Variants in KCNH1 observed in about 807,000 individuals in gnomAD.
The protein encoded by KCNH1 is potassium voltage-gated channel subfamily H member 1, also known as voltage-gated delayed rectifier potassium channel KCNH1.
A neutral mutation model predicts 69.2 loss-of-function variants in KCNH1; 27 were observed. The observed-to-expected ratio is 0.39, with a 90% confidence interval of 0.29 to 0.54. KCNH1 has a LOEUF of 0.54. KCNH1 is among the 20% of genes least tolerant of loss of function. KCNH1 has a pLI of 0.68. For missense variants in KCNH1, 798 were observed against 1,261.6 expected, an observed-to-expected ratio of 0.63 and a Z score of 5.57; for synonymous variants, 456 against 487.7, an observed-to-expected ratio of 0.93 and a Z score of 0.86.
rs368365638 is a variant in KCNH1 at position 210,826,181 on chromosome 1, A to G, written c.1463-22015T>C. 9.8e-4 allele frequency among the ~76,000 whole-genome samples: 150 copies of G among 152,306 alleles called. 2 individuals are homozygous for G. In the South Asian group the frequency reaches 0.012, roughly 12 times the overall value. On this transcript the variant is annotated intron_variant, in intron 7 of 10. Coordinates refer to ENST00000271751, the MANE Select transcript of KCNH1 (RefSeq NM_172362.3). ...TAAAAACTAGTTCTTCCCCAAAGAT[A>G]GCCTGAGAAGTACTGAACTAGAGGA...
intron 10 of KCNH1, among the ~76,000 whole-genome samples, chr1:210,684,355 G>GA (rs1681361116): frequency 6.6e-6 from 1 of 152,130 alleles, no homozygotes; most frequent in Admixed American, 6.5e-5. Flanking sequence ...CAACAGCAGG[G>GA]AATTGACTCC....
chr1:210,781,363 C>G (rs916568759), intron 9 of KCNH1, among the ~76,000 whole-genome samples: 2 of 152,076 alleles, frequency 1.3e-5, no homozygotes, highest in African/African-American at 4.8e-5. Context: ...CCCTCCTCCC[C>G]CTATCCCACT....
At chr1:211,063,284 C>G (rs908586016) in intron 5 of KCNH1, 2 of 152,004 alleles carry the variant, frequency 1.3e-5, no homozygotes, top group African/African-American at 4.8e-5. Context: ...GTAGAATTAC[C>G]GTTACCAGAG....
chr1:210,782,070 G>A (rs571954270), intron 9 of KCNH1, among the ~76,000 whole-genome samples: 2 of 152,268 alleles, frequency 1.3e-5, no homozygotes, highest in East Asian at 3.9e-4. Context: ...CCTCCTCTCT[G>A]ATCCCTTGAG....
chr1:210,734,862 A>C (rs1682835558), intron 10 of KCNH1, among the ~76,000 whole-genome samples: 1 of 152,194 alleles, frequency 6.6e-6, no homozygotes, highest in South Asian at 2.1e-4. Context: ...GCAGACACTG[A>C]AGAAGTGTAA....
chr1:210,781,069 GA>G (rs536391418), intron 9 of KCNH1, among the ~76,000 whole-genome samples: 25 of 152,094 alleles, frequency 1.6e-4, no homozygotes, highest in African/African-American at 5.3e-4. Context: ...AAACAAAACT[GA>G]AAAGCCACGT....
At chr1:211,089,214 T>C (rs1247657204) in intron 4 of KCNH1, among the ~76,000 whole-genome samples, 1 of 152,216 alleles carries the variant, frequency 6.6e-6, no homozygotes, top group African/African-American at 2.4e-5. Context: ...AAAAAGCAAC[T>C]GGCCTTTCTA....
rs1558605641 is a variant in KCNH1, at chr1:211,103,497, G to A, written c.309C>T (p.Asn103=). ...NSFEILMYKK[N]RTPVWFFVKI... ...GTTCAGAATGGTCTCAATACTCACTGTTCTTCTTGTACATCAGAATTTCAA... is the reference window on the plus strand; with the variant it reads ...GTTCAGAATGGTCTCAATACTCACTATTCTTCTTGTACATCAGAATTTCAA... The change falls in exon 3 of 11, where the codon AAC becomes AAT. Residue 103 remains asparagine, a splice_region_variant and synonymous_variant. Coordinates refer to ENST00000271751, the MANE Select transcript of KCNH1 (RefSeq NM_172362.3). The A allele has an allele frequency of 4.4e-6, 7 of 1,590,564 alleles. No homozygotes were observed. The South Asian group carries it at 7.8e-5, about 18-fold the overall frequency.
intron 2 of KCNH1, among the ~76,000 whole-genome samples, chr1:211,106,630 CAAA>C (rs370857373): frequency 2.2e-5 from 3 of 137,700 alleles, no homozygotes; most frequent in African/African-American, 5.4e-5. Flanking sequence ...ACTAAAAATA[CAAA>C]AAAAAAAAAA....
chr1:210,721,798 T>TAAA (rs1449344674), intron 10 of KCNH1, among the ~76,000 whole-genome samples: 1 of 135,336 alleles, frequency 7.4e-6, no homozygotes, highest in Admixed American at 7.5e-5. Flanking sequence ...TAAAGTATAA[T>TAAA]AAAAATAAAT....
intron 1 of KCNH1, among the ~76,000 whole-genome samples, chr1:211,114,979 T>C (rs1009431446): frequency 1.3e-5 from 2 of 151,734 alleles, no homozygotes; most frequent in Non-Finnish European, 2.9e-5. Flanking sequence ...TTGTTTTTTG[T>C]TTTTTTTGAG....
chr1:211,110,985 G>A (rs1299894205), intron 1 of KCNH1, among the ~76,000 whole-genome samples: 1 of 152,106 alleles, frequency 6.6e-6, no homozygotes, highest in African/African-American at 2.4e-5. Context: ...ACAAGGCATA[G>A]AATGGTTATT....
At chr1:211,040,517 C>A (rs1309562331) in intron 5 of KCNH1, among the ~76,000 whole-genome samples, 1 of 152,156 alleles carries the variant, frequency 6.6e-6, no homozygotes, top group African/African-American at 2.4e-5. Context: ...CCTCTCACTT[C>A]CTGCCATGAT....
intron 7 of KCNH1, among the ~76,000 whole-genome samples, chr1:210,917,787 T>C (rs551526488): frequency 6.6e-6 from 1 of 152,294 alleles, no homozygotes; most frequent in Admixed American, 6.5e-5. Flanking sequence ...CTCACAAAAA[T>C]GCTGTAAGTA....
At chr1:210,994,620 C>T (rs1299156189) in intron 6 of KCNH1, among the ~76,000 whole-genome samples, 3 of 152,100 alleles carry the variant, frequency 2.0e-5, no homozygotes, top group Non-Finnish European at 4.4e-5. Context: ...AGTGTGAAGA[C>T]AAAGGATCTG....
intron 6 of KCNH1, among the ~76,000 whole-genome samples, chr1:210,986,779 G>A (rs181881470): frequency 1.3e-3 from 191 of 152,188 alleles, no homozygotes; most frequent in African/African-American, 4.3e-3. Context: ...TGCTCTTCTC[G>A]AGGAGTATCT....
At position 210,680,799 on chromosome 1, in the gene KCNH1, C is replaced by G. The variant is rs140696370; in HGVS notation, c.*2482G>C. ...GATGAACAGATTCCTGCCGCAGGAG[C>G]TGGCTTCCAGTCATGAGCCCAGTTT... On this transcript the variant is annotated 3_prime_UTR_variant, in exon 11 of 11. Coordinates refer to ENST00000271751, the MANE Select transcript of KCNH1 (RefSeq NM_172362.3). 59 of 152,400 alleles carry G rather than the reference C, an allele frequency of 3.9e-4. No individual in the cohort carries two copies. Among genetic ancestry groups the G allele is most frequent in the African/African-American group, 1.3e-3 (56 of 41,568 alleles). 9.4% of individuals were successfully genotyped at this position (152,400 alleles called of 1,614,324 possible).
chr1:210,862,156 G>A, intron 7 of KCNH1: 2 of 1,345,282 alleles, frequency 1.5e-6, no homozygotes, highest in Non-Finnish European at 2.1e-6. Context: ...TTCCGACATA[G>A]TAATCTGGAG....
At chr1:210,851,277 C>A (rs899688570) in intron 7 of KCNH1, among the ~76,000 whole-genome samples, 4 of 152,206 alleles carry the variant, frequency 2.6e-5, no homozygotes, top group Non-Finnish European at 5.9e-5. Context: ...TGTTTGGGTA[C>A]CTTGTTCTTT....
Sources: gnomAD v4.1 joint callset for allele counts (sites outside exome capture counted in the v4.1 genomes callset) on GRCh38, gnomAD v4.1.1 for gene constraint, MANE v1.5 for transcripts, NCBI Gene and HGNC (gene_info 2026-07-23, HGNC 2026-07-21) for gene names.